Variants in IPO11 observed in about 807,000 individuals in gnomAD.
The protein encoded by IPO11 is importin 11, also known as importin-11.
IPO11 carries 66 observed loss-of-function variants against 143.2 expected under a neutral mutation model. That is an observed-to-expected ratio of 0.46 (90% CI 0.38 to 0.57). The LOEUF (loss-of-function observed/expected upper bound fraction) is 0.57, where lower values mean the gene tolerates loss of function less well. Among genes scored for constraint, IPO11 ranks in the 20% least tolerant of loss-of-function variants. The probability of loss-of-function intolerance (pLI) is 0.00; values close to 1 mark genes in which losing one functional copy is unlikely to be tolerated. For synonymous variants in IPO11, 385 were observed against 377.8 expected (o/e 1.02, Z -0.22); for missense variants, 1,026 against 1,141.0 (o/e 0.90, Z 1.45).
intron 26 of IPO11, among the ~76,000 whole-genome samples, chr5:62,556,374 T>TCATATAATTAAAGCATCATATG: frequency 6.6e-6 from 1 of 152,344 alleles, no homozygotes; most frequent in East Asian, 1.9e-4. Flanking sequence ...GCTTTGCGTA[T>TCATATAATTAAAGCATCATATG]CATATAATTA....
intron 1 of IPO11, among the ~76,000 whole-genome samples, chr5:62,415,460 T>A (rs1743258976): frequency 6.9e-6 from 1 of 143,976 alleles, no homozygotes; most frequent in Non-Finnish European, 1.5e-5. Context: ...CGGCCCCGTC[T>A]TTACTTTTTT....
At position 62,551,299 on chromosome 5, in the gene IPO11, C is replaced by T; in HGVS notation, c.2423C>T (p.Ser808Leu). ...VLLQNTSFFS[S>L]LLNEMAHKFN... The stretch of plus-strand genomic sequence containing the variant: ...CTACAAAACACTAGTTTTTTTTCTT[C>T]ACTACTTAATGAGATGGCCCATAAA... The change falls in exon 26 of 30, where the codon TCA becomes TTA. Residue 808 changes from serine to leucine, a missense_variant. Ser to Leu is a moderately radical substitution (Grantham distance 145). This residue lies in a region of IPO11 where 351 missense variants were observed against 358.9 expected (regional missense o/e 0.98). Transcript: ENST00000325324. 10 of 1,606,942 alleles carry T rather than the reference C, an allele frequency of 6.2e-6. No individual in the cohort carries two copies. The highest frequency in any genetic ancestry group is 8.5e-6 in the Non-Finnish European group (10 of 1,175,230).
intron 5 of IPO11, among the ~76,000 whole-genome samples, chr5:62,465,057 CA>C (rs1473617847): frequency 6.6e-6 from 1 of 152,180 alleles, no homozygotes; most frequent in East Asian, 1.9e-4. Flanking sequence ...AACGGATCTA[CA>C]AATTATAGCC....
chr5:62,534,546 A>C (rs561403333), intron 22 of IPO11, among the ~76,000 whole-genome samples: 2 of 152,354 alleles, frequency 1.3e-5, no homozygotes, highest in East Asian at 1.9e-4. Flanking sequence ...TCATATATGC[A>C]CAGTGCATAA....
intron 20 of IPO11, among the ~76,000 whole-genome samples, chr5:62,516,501 C>T (rs1742026258): frequency 6.6e-6 from 1 of 152,010 alleles, no homozygotes; most frequent in Admixed American, 6.6e-5. Flanking sequence ...ACCATGTTGG[C>T]CAGGCTGGTC....
At chr5:62,603,770 C>T (rs1057361215) in intron 29 of IPO11, among the ~76,000 whole-genome samples, 1 of 152,234 alleles carries the variant, frequency 6.6e-6, no homozygotes. Flanking sequence ...ATTTGTTTTC[C>T]TTTTCAAAGT....
chr5:62,483,569 G>A (rs994819920), intron 10 of IPO11, among the ~76,000 whole-genome samples: 3 of 152,142 alleles, frequency 2.0e-5, no homozygotes, highest in African/African-American at 7.2e-5. Context: ...AGCTCATATT[G>A]TAGGGTGTAT....
chr5:62,546,410 G>T (rs1005013973), intron 24 of IPO11, among the ~76,000 whole-genome samples: 1 of 152,086 alleles, frequency 6.6e-6, no homozygotes, highest in African/African-American at 2.4e-5. Flanking sequence ...AGAATACTTG[G>T]ACACAAGAAG....
chr5:62,609,979 T>A (rs1745870679), intron 29 of IPO11, among the ~76,000 whole-genome samples: 1 of 152,180 alleles, frequency 6.6e-6, no homozygotes, highest in Non-Finnish European at 1.5e-5. Context: ...GGCGATACTG[T>A]AATTGTAGCA....
chr5:62,568,036 G>A (rs922890440), intron 27 of IPO11, among the ~76,000 whole-genome samples: 2 of 151,862 alleles, frequency 1.3e-5, no homozygotes, highest in Non-Finnish European at 2.9e-5. Context: ...CACAATCATG[G>A]CTCACTGCAG....
intron 4 of IPO11, 71 bp downstream of exon 4, chr5:62,450,070 C>A: frequency 1.0e-6 from 1 of 970,520 alleles, no homozygotes; most frequent in Non-Finnish European, 1.6e-6. Context: ...TATATTCTGG[C>A]ATTAAAATGA....
intron 27 of IPO11, among the ~76,000 whole-genome samples, chr5:62,577,919 A>G (rs1202594666): frequency 6.6e-6 from 1 of 152,108 alleles, no homozygotes; most frequent in East Asian, 1.9e-4. Context: ...AGAATTAGAA[A>G]GCTTAAGCAA....
In IPO11 at chr5:62,555,966, T is replaced by A. The variant is rs576893313; in HGVS notation, c.2460+4630T>A. On this transcript the variant is annotated intron_variant, in intron 26 of 29. Transcript: ENST00000325324. ...TGCCCAGCCACCTTCAGTTTTTTTT[T>A]AATCTAGTTTTTAATTAAGAAAAAG... 5.3e-5 allele frequency among the ~76,000 whole-genome samples: 8 copies of A among 152,178 alleles called. No individual in the cohort carries two copies. In the South Asian group the frequency reaches 1.2e-3, roughly 24 times the overall value.
At chr5:62,516,325 G>A (rs765207364) in intron 20 of IPO11, among the ~76,000 whole-genome samples, 11 of 151,126 alleles carry the variant, frequency 7.3e-5, no homozygotes, top group East Asian at 1.9e-4. Flanking sequence ...ACGGAGTCTC[G>A]CTCTGTTGCA....
chr5:62,430,997 T>A (rs1202831675), intron 1 of IPO11, among the ~76,000 whole-genome samples: 5 of 151,868 alleles, frequency 3.3e-5, no homozygotes, highest in Admixed American at 6.6e-5. Flanking sequence ...TTTTATTTTT[T>A]GAGACAGAGT....
rs558753220 is a variant in IPO11, at chr5:62,616,654, A to G, written c.2764-10500A>G. 2.2e-3 allele frequency among the ~76,000 whole-genome samples: 308 copies of G among 136,892 alleles called. 1 individual carries two copies. Among genetic ancestry groups the G allele is most frequent in the Middle Eastern group, 0.012 (3 of 244 alleles). 89.8% of individuals were successfully genotyped at this position (136,892 alleles called of 152,430 possible). ...AGAATCGCTTGAACCTGGGAGGCAG[A>G]GGTTGCAGTGAGCTGAGGCTGTGCC... On this transcript the variant is annotated intron_variant, in intron 29 of 29. Transcript: ENST00000325324.
Position 62,515,460 on chromosome 5 carries a change from T to C in IPO11, c.1855T>C (p.Leu619=). The C allele has an allele frequency of 6.2e-7, 1 of 1,609,792 alleles. No homozygotes were observed. Among genetic ancestry groups the C allele is most frequent in the South Asian group, 1.1e-5 (1 of 89,990 alleles). Residue 619 remains leucine, a synonymous_variant, in exon 20 of 30, where the codon TTG becomes CTG. Transcript: ENST00000325324. The part of the protein sequence containing the change: ...LWKQSEEHNM[L]RCAILTTLIH... ...GAAGCAGAGTGAAGAACACAATATG[T>C]TGAGATGTGCTATTTTGACAACACT...
chr5:62,446,910 TGAGC>T (rs1428333514), intron 3 of IPO11, among the ~76,000 whole-genome samples: 1 of 151,308 alleles, frequency 6.6e-6, no homozygotes, highest in Non-Finnish European at 1.5e-5. Context: ...GAGGTTGCAG[TGAGC>T]TGAGATCATG....
At chr5:62,530,069 GC>G in intron 21 of IPO11, among the ~76,000 whole-genome samples, 1 of 152,254 alleles carries the variant, frequency 6.6e-6, no homozygotes, top group Admixed American at 6.5e-5. Context: ...TAACTTATTA[GC>G]CTAGTTTCCC....
Sources: allele counts gnomAD v4.1 joint callset (sites outside exome capture counted in the v4.1 genomes callset), GRCh38; gene constraint gnomAD v4.1.1; regional missense constraint gnomAD v4.1.1; transcripts MANE v1.5; gene names NCBI Gene and HGNC (gene_info 2026-07-23, HGNC 2026-07-21).